Variants in BBS2 observed in about 807,000 individuals in gnomAD.
The protein encoded by BBS2 is Bardet-Biedl syndrome 2.
Under a neutral mutation model 83.0 loss-of-function variants are expected in BBS2, and 62 were observed. That is an observed-to-expected ratio of 0.75 (90% CI 0.61 to 0.92). The LOEUF is 0.92. BBS2 is among the 40% of genes least tolerant of loss of function. BBS2 has a pLI of 0.00. For missense variants in BBS2, 784 were observed against 901.0 expected, an observed-to-expected ratio of 0.87 and a Z score of 1.66; for synonymous variants, 303 against 326.1, an observed-to-expected ratio of 0.93 and a Z score of 0.76.
intron 1 of BBS2, among the ~76,000 whole-genome samples, chr16:56,517,910 C>G (rs906081966): frequency 1.3e-5 from 2 of 151,864 alleles, no homozygotes; most frequent in Admixed American, 6.6e-5. Context: ...ACCTCCACCT[C>G]CTAGGTTCAG....
At chr16:56,486,036 C>G (rs372543842) in intron 15 of BBS2, among the ~76,000 whole-genome samples, 1 of 152,190 alleles carries the variant, frequency 6.6e-6, no homozygotes, top group African/African-American at 2.4e-5. Context: ...AGCAAGGTGA[C>G]AGCCCACCTT....
rs1378967625 is a variant in BBS2, at chr16:56,484,700, C to A, written c.*61G>T. Reference sequence around the variant, plus strand: ...TCACCAGGGTGTGATCCAAAGCAAACCAGCATAGGTTTTTAACAGAAAATC... The same window carrying A: ...TCACCAGGGTGTGATCCAAAGCAAAACAGCATAGGTTTTTAACAGAAAATC... On this transcript the variant is annotated 3_prime_UTR_variant, in exon 17 of 17. Transcript: ENST00000245157. The A allele has an allele frequency of 1.4e-6, 2 of 1,479,934 alleles. No homozygotes were observed. Among genetic ancestry groups the A allele is most frequent in the Non-Finnish European group, 1.9e-6 (2 of 1,062,736 alleles). The allele number at this position is 1,479,934 out of a possible 1,614,324, so 91.7% of individuals were successfully genotyped here.
chr16:56,513,468 A>G (rs1370363017), intron 2 of BBS2, among the ~76,000 whole-genome samples: 1 of 152,254 alleles, frequency 6.6e-6, no homozygotes, highest in Admixed American at 6.5e-5. Flanking sequence ...TGATAAATGG[A>G]TAAATAAAAT....
intron 13 of BBS2, 125 bp downstream of exon 13, chr16:56,498,312 C>G: frequency 3.2e-6 from 4 of 1,244,618 alleles, no homozygotes; most frequent in Non-Finnish European, 3.4e-6. Context: ...TGATGTCCCC[C>G]ACCTCACTTT....
In BBS2 at chr16:56,484,790, T is replaced by C. The variant is rs752404509; in HGVS notation, c.2137A>G (p.Ile713Val). Residue 713 changes from isoleucine (I) to valine (V), a missense_variant, in exon 17 of 17, where the codon ATC (isoleucine) becomes GTC (valine). Transcript: ENST00000245157. The part of the protein sequence containing the change: ...RSNNINTLFK[I>V]MRVGTASS ...GAAGAAGCTGTCCCCACTCGCATGA[T>C]TTTGAACAGTGTGTTGATGTTATTG... 1 of 1,613,994 alleles carries C rather than the reference T, an allele frequency of 6.2e-7. No individual in the cohort carries two copies. Among genetic ancestry groups the C allele is most frequent in the Admixed American group, 1.7e-5 (1 of 60,024 alleles).
chr16:56,501,957 G>A (rs1457708569), intron 9 of BBS2: 1 of 378,900 alleles, frequency 2.6e-6, no homozygotes, highest in East Asian at 6.4e-5. Flanking sequence ...TTTGTCACTT[G>A]GTAAGACGAC....
At chr16:56,494,125 A>ATTT (rs774708101) in intron 15 of BBS2, among the ~76,000 whole-genome samples, 40 of 120,142 alleles carry the variant, frequency 3.3e-4, no homozygotes, top group East Asian at 2.1e-3. Flanking sequence ...TGCCCAGCTA[A>ATTT]TTTTTTTTTT....
At chr16:56,476,745 C>G (rs946958482) in intron 17 of BBS2, 13 of 152,288 alleles carry the variant, frequency 8.5e-5, no homozygotes, top group African/African-American at 3.2e-4. Flanking sequence ...TGGAATCATA[C>G]AGTATTTGTC....
intron 14 of BBS2, 149 bp from the exon 15 acceptor site, chr16:56,497,228 C>A (rs1964140834): frequency 1.4e-6 from 1 of 694,476 alleles, no homozygotes. Context: ...TATTTCATCT[C>A]TGTCTCAACA....
chr16:56,505,482 T>C (rs183482598), intron 7 of BBS2, among the ~76,000 whole-genome samples: 149 of 152,298 alleles, frequency 9.8e-4, no homozygotes, highest in Admixed American at 2.4e-3. Flanking sequence ...AAAATTCTGA[T>C]TTGAAGTTAA....
chr16:56,473,539 A>G (rs377099087), intron 17 of BBS2, among the ~76,000 whole-genome samples: 18 of 152,308 alleles, frequency 1.2e-4, no homozygotes, highest in African/African-American at 4.1e-4. Context: ...CAAAACTTGT[A>G]TCAGTCTGCA....
At chr16:56,490,739 T>C (rs1396506563) in intron 15 of BBS2, among the ~76,000 whole-genome samples, 7 of 151,962 alleles carry the variant, frequency 4.6e-5, no homozygotes, top group African/African-American at 1.7e-4. Flanking sequence ...TAAAAGCTCT[T>C]ACAAGGTAAA....
chr16:56,494,105 T>C (rs1964041565), intron 15 of BBS2, among the ~76,000 whole-genome samples: 1 of 151,042 alleles, frequency 6.6e-6, no homozygotes, highest in African/African-American at 2.4e-5. Flanking sequence ...ACTACAGGCA[T>C]GCACCACTAT....
At chr16:56,512,461 T>C (rs976593170) in intron 2 of BBS2, among the ~76,000 whole-genome samples, 1 of 152,212 alleles carries the variant, frequency 6.6e-6, no homozygotes, top group Non-Finnish European at 1.5e-5. Context: ...GTCCAGCCAC[T>C]TGTCTATCAC....
chr16:56,500,148 AG>A (rs1383427413), intron 11 of BBS2: 1 of 461,652 alleles, frequency 2.2e-6, no homozygotes, highest in African/African-American at 2.0e-5. Context: ...AATATCATAA[AG>A]GGGATGTAAA....
At chr16:56,501,858 T>G (rs1597016131) in intron 9 of BBS2, 3 of 370,080 alleles carry the variant, frequency 8.1e-6, no homozygotes, top group Non-Finnish European at 1.5e-5. Context: ...GCCAGTTTGC[T>G]GTATGCACAC....
rs1244615295 is a variant in BBS2, at chr16:56,499,674, C to T, written c.1527+104G>A. ...AGAGAATTCTTTCATATCATATTTA[C>T]TGCTACCAATATAACACATTAATGT... On this transcript the variant is annotated intron_variant, in intron 12 of 16. Transcript: ENST00000245157. 5 of 1,494,940 alleles carry T rather than the reference C, an allele frequency of 3.3e-6. No individual in the cohort carries two copies. In the African/African-American group the frequency reaches 6.9e-5, roughly 21 times the overall value. 92.6% of individuals were successfully genotyped at this position (1,494,940 alleles called of 1,614,324 possible).
At chr16:56,489,356 A>T (rs28547185) in intron 15 of BBS2, among the ~76,000 whole-genome samples, 1 of 152,138 alleles carries the variant, frequency 6.6e-6, no homozygotes, top group Admixed American at 6.5e-5. Context: ...AATTTTTTTT[A>T]AAAAAGAATG....
At chr16:56,481,993 G>C (rs1460197673), downstream of BBS2, among the ~76,000 whole-genome samples, 1 of 152,108 alleles carries the variant, frequency 6.6e-6, no homozygotes, top group Non-Finnish European at 1.5e-5. Flanking sequence ...AAATTACTGT[G>C]AAAATAACCT....
Sources: allele counts gnomAD v4.1 joint callset (sites outside exome capture counted in the v4.1 genomes callset), GRCh38; gene constraint gnomAD v4.1.1; transcripts MANE v1.5; gene names NCBI Gene and HGNC (gene_info 2026-07-23, HGNC 2026-07-21).